Variants in NBEA observed in about 807,000 individuals in gnomAD.
The protein encoded by NBEA is lysosomal-trafficking regulator 2.
NBEA carries 44 observed loss-of-function variants against 343.4 expected under a neutral mutation model. The observed-to-expected ratio is 0.13, with a 90% CI of 0.10 to 0.16. The LOEUF is 0.16. Among genes scored for constraint, NBEA ranks in the 10% least tolerant of loss-of-function variants. The probability of loss-of-function intolerance (pLI) is 1.00; values close to 1 mark genes in which losing one functional copy is unlikely to be tolerated. For missense variants in NBEA, 2,555 were observed against 3,631.3 expected (o/e 0.70, Z 7.62); for synonymous variants, 1,175 against 1,238.7 (o/e 0.95, Z 1.08).
At chr13:35,094,736 T>C (rs1008060460) in intron 10 of NBEA, among the ~76,000 whole-genome samples, 11 of 152,030 alleles carry the variant, frequency 7.2e-5, no homozygotes, top group Admixed American at 2.6e-4. Context: ...ATATTAAATA[T>C]TTTACATAAT....
At chr13:35,463,171 G>C (rs966659377) in intron 40 of NBEA, among the ~76,000 whole-genome samples, 14 of 152,198 alleles carry the variant, frequency 9.2e-5, no homozygotes, top group African/African-American at 3.1e-4. Context: ...AGGAAGTAAA[G>C]TAGTAAGAGA....
chr13:35,038,709 T>A (rs186325295), intron 1 of NBEA, among the ~76,000 whole-genome samples: 149 of 152,142 alleles, frequency 9.8e-4, no homozygotes, highest in African/African-American at 3.4e-3. Flanking sequence ...GGTGCCCTAT[T>A]CTTCTGTGGC....
intron 1 of NBEA, among the ~76,000 whole-genome samples, chr13:34,986,486 T>G (rs1171834457): frequency 6.6e-6 from 1 of 150,912 alleles, no homozygotes; most frequent in African/African-American, 2.4e-5. Context: ...AAGTGCGACG[T>G]GTTGCTGAGA....
intron 13 of NBEA, among the ~76,000 whole-genome samples, chr13:35,113,521 T>C (rs563853165): frequency 5.5e-4 from 84 of 152,268 alleles, no homozygotes; most frequent in East Asian, 2.1e-3. Context: ...ACAAATGATA[T>C]TTTCTAAGAC....
intron 35 of NBEA, among the ~76,000 whole-genome samples, 155 bp downstream of exon 35, chr13:35,290,605 T>TTAG (rs2035741088): frequency 6.6e-6 from 1 of 151,414 alleles, no homozygotes; most frequent in Admixed American, 6.6e-5. Context: ...TTGAGTTTTA[T>TTAG]TAGTATATAG....
chr13:35,508,969 G>A (rs2077170645), intron 41 of NBEA, among the ~76,000 whole-genome samples: 1 of 152,186 alleles, frequency 6.6e-6, no homozygotes, highest in Non-Finnish European at 1.5e-5. Flanking sequence ...AAGGGGAGCT[G>A]GACATGAGTG....
At chr13:35,535,020 A>T (rs1266431443) in intron 41 of NBEA, among the ~76,000 whole-genome samples, 1 of 152,246 alleles carries the variant, frequency 6.6e-6, no homozygotes. Context: ...CCAGAAATGC[A>T]GAAGAAACTT....
At chr13:35,370,413 G>C (rs113559868) in intron 38 of NBEA, among the ~76,000 whole-genome samples, 130 of 151,704 alleles carry the variant, frequency 8.6e-4, no homozygotes, top group African/African-American at 3.0e-3. Flanking sequence ...TTTATTTTTA[G>C]TCTGTATGTG....
intron 34 of NBEA, among the ~76,000 whole-genome samples, chr13:35,241,064 A>G (rs1007024420): frequency 4.0e-5 from 6 of 151,872 alleles, no homozygotes; most frequent in Non-Finnish European, 8.8e-5. Flanking sequence ...AGTCCATGTT[A>G]ATATATCAAT....
rs573875008 is a variant in NBEA at position 35,638,132 on chromosome 13, TAATA to T, written c.7618-7732_7618-7729del. Among the ~76,000 whole-genome samples the T allele has an allele frequency of 6.6e-5, 10 of 152,286 alleles. No individual in the cohort carries two copies. The East Asian group carries it at 1.9e-3, about 29-fold the overall frequency. On this transcript the variant is annotated intron_variant, in intron 49 of 58. Transcript: ENST00000379939. ...CTAGAGGGAGTGGCGAGTTTTTGTT[TAATA>T]AATATAGCGTTTTAGTTTTAGAAGA... is the stretch of plus-strand genomic sequence containing the variant.
intron 36 of NBEA, among the ~76,000 whole-genome samples, chr13:35,316,568 T>C (rs898130762): frequency 8.5e-5 from 13 of 152,252 alleles, no homozygotes; most frequent in Non-Finnish European, 1.3e-4. Flanking sequence ...GCAGTAAACA[T>C]ATGTGTGCAT....
intron 34 of NBEA, among the ~76,000 whole-genome samples, chr13:35,273,836 G>A (rs2034370078): frequency 6.6e-6 from 1 of 152,014 alleles, no homozygotes; most frequent in Non-Finnish European, 1.5e-5. Flanking sequence ...TCTCTGAACA[G>A]GACAATAATA....
intron 48 of NBEA, among the ~76,000 whole-genome samples, chr13:35,623,496 T>C (rs1199549398): frequency 6.6e-6 from 1 of 152,188 alleles, no homozygotes; most frequent in African/African-American, 2.4e-5. Context: ...AGACTTTGTT[T>C]AACCTCTTAC....
At chr13:35,195,817 AT>A (rs1234233367) in intron 30 of NBEA, 46 bp from the exon 31 acceptor site, 1 of 1,460,874 alleles carries the variant, frequency 6.8e-7, no homozygotes, top group African/African-American at 1.4e-5. Flanking sequence ...ATAATACAAG[AT>A]TTTTACTTTC....
intron 33 of NBEA, among the ~76,000 whole-genome samples, chr13:35,226,917 A>G (rs1171065797): frequency 6.6e-6 from 1 of 152,080 alleles, no homozygotes; most frequent in African/African-American, 2.4e-5. Context: ...TACACATCTT[A>G]AAACTTGAAA....
chr13:35,126,285 C>T (rs368878458), intron 17 of NBEA, among the ~76,000 whole-genome samples: 5 of 152,210 alleles, frequency 3.3e-5, no homozygotes, highest in African/African-American at 1.2e-4. Flanking sequence ...TTTCCTGAGG[C>T]CTCCCCAGCA....
intron 34 of NBEA, among the ~76,000 whole-genome samples, chr13:35,248,088 T>A (rs1593921978): frequency 6.6e-6 from 1 of 152,160 alleles, no homozygotes; most frequent in African/African-American, 2.4e-5. Context: ...TACAACAGGA[T>A]AGAATATTTG....
At chr13:35,091,495 A>G (rs2065079787) in intron 10 of NBEA, among the ~76,000 whole-genome samples, 1 of 152,030 alleles carries the variant, frequency 6.6e-6, no homozygotes, top group Non-Finnish European at 1.5e-5. Flanking sequence ...AAGGAAAAAT[A>G]GAATTATCTG....
chr13:35,423,865 T>C (rs1446219585), intron 38 of NBEA, among the ~76,000 whole-genome samples: 9 of 152,236 alleles, frequency 5.9e-5, no homozygotes, highest in East Asian at 1.9e-4. Flanking sequence ...AGGTCCTTCA[T>C]ATCCGTTGTA....
Sources: gnomAD v4.1 joint callset for allele counts (sites outside exome capture counted in the v4.1 genomes callset) on GRCh38, gnomAD v4.1.1 for gene constraint, MANE v1.5 for transcripts, NCBI Gene and HGNC (gene_info 2026-07-23, HGNC 2026-07-21) for gene names.